Variants in KIF3B observed in about 807,000 individuals in gnomAD.
The protein encoded by KIF3B is kinesin-like protein KIF3B.
In KIF3B, 38 loss-of-function variants were observed where a neutral mutation model predicts 74.3. That is an observed-to-expected ratio of 0.51 (90% CI 0.39 to 0.67). The LOEUF (loss-of-function observed/expected upper bound fraction) is 0.67, where lower values mean the gene tolerates loss of function less well. Among genes scored for constraint, KIF3B ranks in the 30% least tolerant of loss-of-function variants. The pLI is 0.00. For missense variants in KIF3B, 649 were observed against 932.0 expected (o/e 0.70, Z 3.95); for synonymous variants, 326 against 342.5 (o/e 0.95, Z 0.53).
At chr20:32,282,774 A>C (rs2047650102) in intron 1 of KIF3B, among the ~76,000 whole-genome samples, 1 of 152,186 alleles carries the variant, frequency 6.6e-6, no homozygotes, top group African/African-American at 2.4e-5. Context: ...CTCCCTGCCA[A>C]AGTGGTTCTT....
chr20:32,299,032 C>T (rs536957159), intron 1 of KIF3B, among the ~76,000 whole-genome samples: 3 of 152,162 alleles, frequency 2.0e-5, no homozygotes, highest in African/African-American at 7.2e-5. Flanking sequence ...TTGTAAATTC[C>T]TAATCGTAAC....
chr20:32,308,853 C>G lies in KIF3B; in HGVS notation c.-65-860C>G, dbSNP rs1031962697. On this transcript the variant is annotated intron_variant, in intron 1 of 8. Transcript: ENST00000375712. ...GCCTCAGCCTCCCAAGTAGCTGGGA[C>G]TATAGGCGCCTGCCACCACACCCGG... Among the ~76,000 whole-genome samples the G allele has an allele frequency of 2.0e-5, 3 of 151,696 alleles. No individual in the cohort carries two copies. In the East Asian group the frequency reaches 5.8e-4, roughly 29 times the overall value.
intron 6 of KIF3B, 152 bp from the exon 7 acceptor site, chr20:32,327,404 A>C: frequency 1.7e-6 from 1 of 589,622 alleles, no homozygotes; most frequent in South Asian, 2.0e-5. Context: ...CTGAATCAGA[A>C]AGCAACTCAA....
intron 5 of KIF3B, among the ~76,000 whole-genome samples, chr20:32,322,748 A>T (rs1177664530): frequency 1.5e-4 from 5 of 32,448 alleles, no homozygotes; most frequent in Non-Finnish European, 2.3e-4. Flanking sequence ...ATATTTATTT[A>T]TATATATATT....
At chr20:32,327,785 C>T in intron 7 of KIF3B, 124 bp downstream of exon 7, 1 of 589,454 alleles carries the variant, frequency 1.7e-6, no homozygotes. Flanking sequence ...GACATTTATA[C>T]CAATAACAAT....
intron 1 of KIF3B, among the ~76,000 whole-genome samples, chr20:32,289,039 A>G (rs1409978364): frequency 1.3e-5 from 2 of 152,198 alleles, no homozygotes; most frequent in Non-Finnish European, 2.9e-5. Flanking sequence ...TATATTCTGC[A>G]GAGCTGAACC....
Position 32,322,689 on chromosome 20 carries a change from T to TA in KIF3B, c.1749-4082_1749-4081insA. Among the ~76,000 whole-genome samples, 15 of 48,938 alleles carry TA rather than the reference T, an allele frequency of 3.1e-4. No individual in the cohort carries two copies. In the African/African-American group the frequency reaches 3.4e-3, roughly 11 times the overall value. The allele number at this position is 48,938 out of a possible 152,430, so 32.1% of individuals were successfully genotyped here. A position where few individuals can be genotyped will look rare whatever the true frequency, so the allele number is the denominator to read the frequency against. ...ATATATATTTATATATTTATATATA[T>TA]TTATATATATTTATATATTTATATA... On this transcript the variant is annotated intron_variant, in intron 5 of 8. Transcript: ENST00000375712.
chr20:32,316,069 G>T, intron 2 of KIF3B, 149 bp from the exon 3 acceptor site: 1 of 582,982 alleles, frequency 1.7e-6, no homozygotes, highest in Non-Finnish European at 3.0e-6. Context: ...AGTGATGGAT[G>T]GGCACAGCTG....
chr20:32,300,317 G>A (rs552132546), intron 1 of KIF3B, among the ~76,000 whole-genome samples: 4 of 150,810 alleles, frequency 2.7e-5, no homozygotes, highest in East Asian at 2.0e-4. Context: ...TCTCTCTGTC[G>A]CCCGGGCTGG....
intron 1 of KIF3B, among the ~76,000 whole-genome samples, chr20:32,302,510 GCTTT>G (rs35118878): frequency 1.5e-5 from 2 of 131,760 alleles, no homozygotes; most frequent in African/African-American, 2.5e-5. Flanking sequence ...CTTGCTGCAG[GCTTT>G]CTTTCTTCTT....
chr20:32,316,401 T>C, intron 3 of KIF3B, 82 bp downstream of exon 3: 1 of 1,541,926 alleles, frequency 6.5e-7, no homozygotes, highest in Non-Finnish European at 8.9e-7. Context: ...TATTAGACTC[T>C]CTTCAAAGAG....
intron 1 of KIF3B, among the ~76,000 whole-genome samples, chr20:32,278,174 G>A (rs1368456577): frequency 6.6e-6 from 1 of 152,012 alleles, no homozygotes; most frequent in Non-Finnish European, 1.5e-5. Context: ...TTGCTGCTCA[G>A]AGTGGTAAAG....
intron 1 of KIF3B, among the ~76,000 whole-genome samples, chr20:32,306,256 C>T (rs1368310783): frequency 6.6e-6 from 1 of 151,416 alleles, no homozygotes; most frequent in African/African-American, 2.4e-5. Flanking sequence ...ATTAGCTGGG[C>T]ATGGTGGCAT....
At chr20:32,280,921 A>G (rs1281826748) in intron 1 of KIF3B, among the ~76,000 whole-genome samples, 2 of 152,110 alleles carry the variant, frequency 1.3e-5, no homozygotes, top group Admixed American at 1.3e-4. Flanking sequence ...ACATCTTTAA[A>G]TGAATTCATA....
In KIF3B at chr20:32,286,696, A is replaced by G. The variant is rs2047668647; in HGVS notation, c.-66+8931A>G. Among the ~76,000 whole-genome samples the G allele has an allele frequency of 2.6e-5, 4 of 152,342 alleles. No individual in the cohort carries two copies. In the South Asian group the frequency reaches 6.2e-4, roughly 24 times the overall value. ...GAGAAATAACTACTGTTAACATTTT[A>G]CTGTCCATATACAAATGTATTCCTA... On this transcript the variant is annotated intron_variant, in intron 1 of 8. Coordinates refer to ENST00000375712, the MANE Select transcript of KIF3B (RefSeq NM_004798.4).
chr20:32,322,920 TTA>T (rs1175537955), intron 5 of KIF3B, among the ~76,000 whole-genome samples: 4 of 59,826 alleles, frequency 6.7e-5, no homozygotes, highest in Admixed American at 3.3e-4. Context: ...TTTTATATAT[TTA>T]TATATACATA....
chr20:32,297,129 G>A (rs1340625237), intron 1 of KIF3B, among the ~76,000 whole-genome samples: 1 of 150,142 alleles, frequency 6.7e-6, no homozygotes, highest in African/African-American at 2.4e-5. Flanking sequence ...GTGCTTTTCT[G>A]ATGGCTCATG....
chr20:32,327,447 C>G, intron 6 of KIF3B, 109 bp from the exon 7 acceptor site: 3 of 781,390 alleles, frequency 3.8e-6, no homozygotes, highest in Non-Finnish European at 6.5e-6. Context: ...GTCCCACTTA[C>G]GTCAGCCTGC....
At position 32,282,301 on chromosome 20, in the gene KIF3B, C is replaced by G. The variant is rs144080056; in HGVS notation, c.-66+4536C>G. On this transcript the variant is annotated intron_variant, in intron 1 of 8. Coordinates refer to ENST00000375712, the MANE Select transcript of KIF3B (RefSeq NM_004798.4). ...TGAGGGTGAGAGAATAAGGATGACT[C>G]CTGGGTTTTTGGCCTGAGCAATTAA... 4.0e-3 allele frequency among the ~76,000 whole-genome samples: 610 copies of G among 152,158 alleles called. 3 individuals carry two copies. Among genetic ancestry groups the G allele is most frequent in the African/African-American group, 0.014 (589 of 41,526 alleles).
Sources: gnomAD v4.1 joint callset for allele counts (sites outside exome capture counted in the v4.1 genomes callset) on GRCh38, gnomAD v4.1.1 for gene constraint, MANE v1.5 for transcripts, NCBI Gene and HGNC (gene_info 2026-07-23, HGNC 2026-07-21) for gene names.